Variants in SCYL2 observed in about 807,000 individuals in gnomAD.
The protein encoded by SCYL2 is SCY1-like protein 2.
A neutral mutation model predicts 100.4 loss-of-function variants in SCYL2; 36 were observed. The observed-to-expected ratio is 0.36, with a 90% confidence interval of 0.27 to 0.47. The LOEUF is 0.47. SCYL2 is among the 20% of genes least tolerant of loss of function. The probability of loss-of-function intolerance (pLI) is 1.00; values close to 1 mark genes in which losing one functional copy is unlikely to be tolerated. For missense variants in SCYL2, 902 were observed against 1,083.9 expected (o/e 0.83, Z 2.36); for synonymous variants, 330 against 359.2 (o/e 0.92, Z 0.92).
chr12:100,310,669 T>G (rs1210648337), intron 4 of SCYL2, among the ~76,000 whole-genome samples: 1 of 152,240 alleles, frequency 6.6e-6, no homozygotes, highest in Non-Finnish European at 1.5e-5. Flanking sequence ...CTGAAGTGTA[T>G]GTATATAAAA....
intron 1 of SCYL2, among the ~76,000 whole-genome samples, chr12:100,268,276 G>A (rs1422409545): frequency 6.6e-6 from 1 of 152,112 alleles, no homozygotes; most frequent in Admixed American, 6.6e-5. Flanking sequence ...GCCTATCTCC[G>A]TTCTGAAAAA....
chr12:100,302,544 G>T (rs2096329198), intron 4 of SCYL2, among the ~76,000 whole-genome samples: 1 of 152,090 alleles, frequency 6.6e-6, no homozygotes. Flanking sequence ...AGAAATTCTG[G>T]GTTGAAAATT....
At chr12:100,332,402 A>T (rs1376939185) in intron 13 of SCYL2, among the ~76,000 whole-genome samples, 1 of 152,204 alleles carries the variant, frequency 6.6e-6, no homozygotes, top group Non-Finnish European at 1.5e-5. Context: ...GTTCCCAGAC[A>T]TCAGCTAAAG....
chr12:100,326,557 C>G, intron 11 of SCYL2, 65 bp from the exon 12 acceptor site: 2 of 1,189,150 alleles, frequency 1.7e-6, no homozygotes, highest in South Asian at 3.3e-5. Context: ...TAAGTTTACA[C>G]TTAAATATTT....
chr12:100,272,596 T>A (rs1047931500), intron 1 of SCYL2, among the ~76,000 whole-genome samples: 1 of 152,194 alleles, frequency 6.6e-6, no homozygotes, highest in African/African-American at 2.4e-5. Flanking sequence ...TGAGTGTCAT[T>A]CAGGCAGCTC....
At chr12:100,319,724 T>G (rs913993470) in intron 10 of SCYL2, among the ~76,000 whole-genome samples, 5 of 152,138 alleles carry the variant, frequency 3.3e-5, no homozygotes, top group African/African-American at 9.7e-5. Flanking sequence ...GGTTTCACCA[T>G]GTTGGCCAGG....
intron 7 of SCYL2, 150 bp from the exon 8 acceptor site, chr12:100,314,339 C>A: frequency 1.8e-6 from 1 of 560,438 alleles, no homozygotes; most frequent in Non-Finnish European, 3.1e-6. Context: ...TTTTCTTATT[C>A]AGAGTTTTAT....
rs760124743 is a variant in SCYL2 at position 100,283,076 on chromosome 12, C to T, written c.106C>T (p.Arg36Ter). 1.2e-6 allele frequency: 2 copies of T among 1,612,842 alleles called. No homozygotes were observed. The highest frequency in any genetic ancestry group is 1.7e-6 in the Non-Finnish European group (2 of 1,179,528). The change falls in exon 2 of 18, where the codon CGA becomes TGA. Residue 36 changes from arginine (R) to a stop codon, truncating the protein, a stop_gained. Transcript: ENST00000360820. LOFTEE classifies it high-confidence loss of function. Reference protein sequence around the residue: ...NPVTREFDVGRHIASGGNGLA... With the variant: ...NPVTREFDVG Reference sequence around the variant, plus strand: ...TGTCACTAGAGAATTTGATGTTGGTCGACACATTGCCAGTGGTGGCAATGG... The same window carrying T: ...TGTCACTAGAGAATTTGATGTTGGTTGACACATTGCCAGTGGTGGCAATGG...
intron 9 of SCYL2, 73 bp downstream of exon 9, chr12:100,315,807 A>G: frequency 4.0e-6 from 5 of 1,263,348 alleles, no homozygotes; most frequent in Non-Finnish European, 5.3e-6. Context: ...AACAAAAGGA[A>G]TGAATATATG....
rs1188769291 is a variant in SCYL2 at position 100,335,801 on chromosome 12, T to C, written c.1930-10T>C. ...AACTTATTTAAATTATTGACATTTTTCTATTTCAGCAAATTGACAAAGTTT... is the reference window on the plus strand; with the variant it reads ...AACTTATTTAAATTATTGACATTTTCCTATTTCAGCAAATTGACAAAGTTT... On this transcript the variant is annotated splice_polypyrimidine_tract_variant and intron_variant, in intron 15 of 17. Transcript: ENST00000360820. 1 of 1,609,580 alleles carries C rather than the reference T, an allele frequency of 6.2e-7. No homozygotes were observed. Among genetic ancestry groups the C allele is most frequent in the Admixed American group, 1.7e-5 (1 of 59,844 alleles).
At chr12:100,325,265 A>T (rs2096360439) in intron 11 of SCYL2, among the ~76,000 whole-genome samples, 1 of 152,124 alleles carries the variant, frequency 6.6e-6, no homozygotes, top group African/African-American at 2.4e-5. Flanking sequence ...AGTTCTGAGC[A>T]TATGTAGGGG....
chr12:100,329,777 G>A (rs1012938336), intron 13 of SCYL2, among the ~76,000 whole-genome samples: 4 of 152,166 alleles, frequency 2.6e-5, no homozygotes, highest in African/African-American at 4.8e-5. Flanking sequence ...CTTGGGGCTC[G>A]TTCAAGGCCC....
chr12:100,320,712 C>T (rs572198109), intron 10 of SCYL2, among the ~76,000 whole-genome samples: 40 of 152,074 alleles, frequency 2.6e-4, no homozygotes, highest in Non-Finnish European at 5.6e-4. Flanking sequence ...GATTGGACAG[C>T]ATGGCACTTT....
chr12:100,326,059 G>A (rs1351664565), intron 11 of SCYL2, among the ~76,000 whole-genome samples: 1 of 151,992 alleles, frequency 6.6e-6, no homozygotes, highest in East Asian at 1.9e-4. Context: ...AATAGAAGTA[G>A]GGTATGATGT....
chr12:100,314,328 A>G (rs745540441), intron 7 of SCYL2, among the ~76,000 whole-genome samples, 161 bp from the exon 8 acceptor site: 3 of 152,074 alleles, frequency 2.0e-5, no homozygotes, highest in Non-Finnish European at 4.4e-5. Flanking sequence ...AAAATCATTT[A>G]TTTTCTTATT....
intron 1 of SCYL2, among the ~76,000 whole-genome samples, chr12:100,274,509 T>C (rs572776203): frequency 3.9e-5 from 6 of 152,220 alleles, no homozygotes; most frequent in Non-Finnish European, 8.8e-5. Context: ...TATTAACATC[T>C]GTCCTGAAAG....
chr12:100,283,460 A>G (rs1592932020), intron 2 of SCYL2, among the ~76,000 whole-genome samples: 1 of 152,228 alleles, frequency 6.6e-6, no homozygotes, highest in East Asian at 1.9e-4. Flanking sequence ...CATATGTTTT[A>G]GGATAGAAAT....
intron 12 of SCYL2, chr12:100,327,203 G>A: frequency 2.5e-6 from 1 of 402,596 alleles, no homozygotes; most frequent in Non-Finnish European, 5.0e-6. Flanking sequence ...GGCTCAGAGA[G>A]GTAAAATAAG....
rs565416403 is a variant in SCYL2 at position 100,275,070 on chromosome 12, T to C, written c.-29+7278T>C. 5.3e-5 allele frequency among the ~76,000 whole-genome samples: 8 copies of C among 152,346 alleles called. No homozygotes were observed. The South Asian group carries it at 1.7e-3, about 32-fold the overall frequency. Reference sequence around the variant, plus strand: ...TTATTTAGGTTTTCTTCAGTTTCTGTTAGCAGTATTTTGTTTTCATTGTAT... The same window carrying C: ...TTATTTAGGTTTTCTTCAGTTTCTGCTAGCAGTATTTTGTTTTCATTGTAT... On this transcript the variant is annotated intron_variant, in intron 1 of 17. Coordinates refer to ENST00000360820, the MANE Select transcript of SCYL2 (RefSeq NM_017988.6).
Sources: allele counts gnomAD v4.1 joint callset (sites outside exome capture counted in the v4.1 genomes callset), GRCh38; gene constraint gnomAD v4.1.1; transcripts MANE v1.5; gene names NCBI Gene and HGNC (gene_info 2026-07-23, HGNC 2026-07-21).